GABRG3: variants seen among roughly 807,000 people sequenced by gnomAD.
GABRG3 encodes the protein gamma-aminobutyric acid receptor subunit gamma-3.
In GABRG3, 25 loss-of-function variants were observed where a neutral mutation model predicts 48.8. That is an observed-to-expected ratio of 0.51 (90% CI 0.37 to 0.72). The LOEUF (loss-of-function observed/expected upper bound fraction) is 0.72. Ranked by LOEUF, GABRG3 falls within the 30% of genes least tolerant of loss-of-function variation. The pLI is 0.00. For synonymous variants in GABRG3, 227 were observed against 217.6 expected (o/e 1.04, Z -0.38); for missense variants, 394 against 577.9 (o/e 0.68, Z 3.26).
intron 3 of GABRG3, among the ~76,000 whole-genome samples, chr15:27,145,603 C>CTCTCTCTA (rs1555405982): frequency 9.8e-6 from 1 of 102,298 alleles, no homozygotes; most frequent in Non-Finnish European, 2.2e-5. Context: ...ATATATCTAT[C>CTCTCTCTA]TCTATCTATC....
intron 5 of GABRG3, among the ~76,000 whole-genome samples, chr15:27,382,918 A>G (rs993549675): frequency 2.0e-5 from 3 of 152,120 alleles, no homozygotes; most frequent in African/African-American, 7.2e-5. Context: ...GCATCGGGAA[A>G]ATGTTGAGTG....
chr15:27,532,876 C>A lies in GABRG3; in HGVS notation c.1399C>A (p.Leu467Ile), dbSNP rs1475640892. ...GGTCTACTGGGTTGGATACCTGTAT[C>A]TCTAAGTGTTGCTCAGAGTGAAGAG... ...NLVYWVGYLYL is the reference protein window; with the variant it reads ...NLVYWVGYLYI Residue 467 changes from leucine (L) to isoleucine (I), a missense_variant, in exon 10 of 10, where the codon CTC becomes ATC. Leu to Ile is a conservative substitution (Grantham distance 5). Around this residue, in one of 3 missense-constraint regions of GABRG3, gnomAD observed 126 missense variants for 155.5 expected, o/e 0.81. Coordinates refer to ENST00000615808, the MANE Select transcript of GABRG3 (RefSeq NM_033223.5). 1 of 1,613,476 alleles carries A rather than the reference C, an allele frequency of 6.2e-7. No homozygotes were observed. Among genetic ancestry groups the A allele is most frequent in the Non-Finnish European group, 8.5e-7 (1 of 1,179,724 alleles).
chr15:27,516,631 G>A (rs988402123), intron 6 of GABRG3, among the ~76,000 whole-genome samples: 1 of 152,144 alleles, frequency 6.6e-6, no homozygotes, highest in Non-Finnish European at 1.5e-5. Flanking sequence ...GAAATTGACC[G>A]TGTCAGAGGC....
chr15:27,053,760 TA>T (rs1896493108), intron 3 of GABRG3, among the ~76,000 whole-genome samples: 1 of 152,152 alleles, frequency 6.6e-6, no homozygotes, highest in Non-Finnish European at 1.5e-5. Flanking sequence ...AGAAAATGTG[TA>T]AATATACACC....
chr15:27,395,486 C>G (rs1348874179), intron 5 of GABRG3, among the ~76,000 whole-genome samples: 1 of 152,110 alleles, frequency 6.6e-6, no homozygotes, highest in African/African-American at 2.4e-5. Flanking sequence ...CTAATTTTAC[C>G]TATTACTATA....
intron 3 of GABRG3, among the ~76,000 whole-genome samples, chr15:27,301,952 C>T (rs1310991755): frequency 6.6e-6 from 1 of 152,032 alleles, no homozygotes; most frequent in Non-Finnish European, 1.5e-5. Flanking sequence ...CCAATCTAGA[C>T]TTCTACATTC....
At chr15:27,426,832 T>C (rs905249477) in intron 5 of GABRG3, among the ~76,000 whole-genome samples, 1 of 152,024 alleles carries the variant, frequency 6.6e-6, no homozygotes, top group African/African-American at 2.4e-5. Flanking sequence ...CCAAAAGAAA[T>C]TTCAAAAGAA....
intron 5 of GABRG3, among the ~76,000 whole-genome samples, chr15:27,461,705 G>A (rs1345959670): frequency 2.6e-5 from 4 of 152,082 alleles, no homozygotes; most frequent in South Asian, 2.1e-4. Context: ...CTGATTGGTC[G>A]GTTTTTACAG....
At chr15:27,526,076 G>A (rs1214689994) in intron 7 of GABRG3, among the ~76,000 whole-genome samples, 1 of 152,126 alleles carries the variant, frequency 6.6e-6, no homozygotes, top group South Asian at 2.1e-4. Context: ...ATTAAAGAGT[G>A]CCTGGCATTC....
chr15:27,094,321 A>G (rs1481268030), intron 3 of GABRG3, among the ~76,000 whole-genome samples: 1 of 152,180 alleles, frequency 6.6e-6, no homozygotes, highest in East Asian at 1.9e-4. Flanking sequence ...ATTTGAGGTG[A>G]TGAGGGTTTC....
chr15:27,014,151 T>G (rs1433389326), intron 2 of GABRG3, among the ~76,000 whole-genome samples: 1 of 152,062 alleles, frequency 6.6e-6, no homozygotes, highest in Non-Finnish European at 1.5e-5. Flanking sequence ...AGTTGTAACA[T>G]TCTTTCATTT....
chr15:27,288,708 C>A (rs1264424365), intron 3 of GABRG3, among the ~76,000 whole-genome samples: 2 of 125,608 alleles, frequency 1.6e-5, no homozygotes, highest in East Asian at 4.0e-4. Flanking sequence ...AGCAAAACTC[C>A]GTCTCACAGA....
intron 5 of GABRG3, among the ~76,000 whole-genome samples, chr15:27,468,404 A>G (rs772574247): frequency 1.3e-5 from 2 of 152,116 alleles, no homozygotes; most frequent in Non-Finnish European, 2.9e-5. Context: ...TGGAACTGTC[A>G]TGGGGTTGGT....
rs1476621126 is a variant in GABRG3, at chr15:27,313,232, A to ATG, written c.271-13575_271-13574dup. 5.8e-3 allele frequency among the ~76,000 whole-genome samples: 701 copies of ATG among 121,578 alleles called. 17 individuals carry two copies. The highest frequency in any genetic ancestry group is 0.023 in the African/African-American group (672 of 28,848). 79.8% of individuals were successfully genotyped at this position (121,578 alleles called of 152,430 possible). On this transcript the variant is annotated intron_variant, in intron 3 of 9. Transcript: ENST00000615808. The stretch of plus-strand genomic sequence containing the variant: ...TATGTATATGTATATATATACGTAT[A>ATG]TGTATATATGTGTGTGTGTGTGTGT...
At chr15:27,037,918 T>C (rs1017411952) in intron 3 of GABRG3, among the ~76,000 whole-genome samples, 11 of 152,194 alleles carry the variant, frequency 7.2e-5, no homozygotes, top group African/African-American at 2.7e-4. Flanking sequence ...ACCAACTTGC[T>C]GCTTGCCTGG....
At chr15:27,034,146 G>A (rs1181352050) in intron 3 of GABRG3, among the ~76,000 whole-genome samples, 1 of 152,152 alleles carries the variant, frequency 6.6e-6, no homozygotes, top group Non-Finnish European at 1.5e-5. Context: ...GTATGAAAAC[G>A]TATATGCCTG....
At chr15:27,064,306 G>A (rs1465016578) in intron 3 of GABRG3, among the ~76,000 whole-genome samples, 2 of 152,294 alleles carry the variant, frequency 1.3e-5, no homozygotes, top group South Asian at 4.1e-4. Context: ...GCCTGAATCG[G>A]GTCTTGACCA....
chr15:27,185,162 C>T, intron 3 of GABRG3, among the ~76,000 whole-genome samples: 1 of 152,060 alleles, frequency 6.6e-6, no homozygotes, highest in African/African-American at 2.4e-5. Context: ...TAATATAAGC[C>T]TTTACAGCTG....
At chr15:27,172,970 A>G (rs1408036831) in intron 3 of GABRG3, among the ~76,000 whole-genome samples, 1 of 152,134 alleles carries the variant, frequency 6.6e-6, no homozygotes, top group Admixed American at 6.5e-5. Context: ...AACCACACAA[A>G]TGAGGCCGCC....
Sources: gnomAD v4.1 joint callset for allele counts (sites outside exome capture counted in the v4.1 genomes callset) on GRCh38, gnomAD v4.1.1 for gene constraint, gnomAD v4.1.1 regional missense constraint, MANE v1.5 for transcripts, NCBI Gene and HGNC (gene_info 2026-07-23, HGNC 2026-07-21) for gene names.